Variants in PRKCA observed in about 807,000 individuals in gnomAD.
The protein encoded by PRKCA is protein kinase C alpha type.
Under a neutral mutation model 87.0 loss-of-function variants are expected in PRKCA, and 27 were observed. The observed-to-expected ratio is 0.31, with a 90% CI of 0.23 to 0.43. PRKCA has a LOEUF of 0.43. PRKCA is among the 20% of genes least tolerant of loss of function. The pLI is 1.00. For missense variants in PRKCA, 518 were observed against 852.3 expected (o/e 0.61, Z 4.88); for synonymous variants, 329 against 311.1 (o/e 1.06, Z -0.61).
intron 3 of PRKCA, among the ~76,000 whole-genome samples, chr17:66,569,570 A>G (rs1047705362): frequency 1.4e-5 from 2 of 147,774 alleles, no homozygotes; most frequent in Non-Finnish European, 3.0e-5. Flanking sequence ...ACTCCATCTC[A>G]AAAAAAAAGA....
At chr17:66,343,612 C>T (rs1326588004) in intron 2 of PRKCA, among the ~76,000 whole-genome samples, 3 of 151,968 alleles carry the variant, frequency 2.0e-5, no homozygotes, top group Non-Finnish European at 4.4e-5. Flanking sequence ...AACAGCCATC[C>T]CTGAAAGTGA....
chr17:66,336,869 A>C (rs948480939), intron 2 of PRKCA, among the ~76,000 whole-genome samples: 1 of 149,844 alleles, frequency 6.7e-6, no homozygotes. Flanking sequence ...GCTTACTGCA[A>C]CCTCTGCCTC....
chr17:66,774,910 T>A (rs1975013622), intron 14 of PRKCA: 3 of 985,338 alleles, frequency 3.0e-6, no homozygotes, highest in African/African-American at 1.7e-5. Flanking sequence ...ATTAGCTTTC[T>A]CTTATGATGT....
At position 66,608,186 on chromosome 17, in the gene PRKCA, GATTGGAGCACACCA is replaced by G. The variant is rs1342126372; in HGVS notation, c.289-33163_289-33150del. Among the ~76,000 whole-genome samples the G allele has an allele frequency of 2.8e-4, 43 of 152,166 alleles. No individual in the cohort carries two copies. The East Asian group carries it at 7.6e-3, about 27-fold the overall frequency. On this transcript the variant is annotated intron_variant, in intron 3 of 16. Transcript: ENST00000413366. ...TGAAGCACACTGATTGGAGCACACC[GATTGGAGCACACCA>G]ATTGGCTTTTGCTTTTGGAGCTTGG...
rs539360676 is a variant in PRKCA, at chr17:66,789,090, G to A, written c.1854+111G>A. The A allele has an allele frequency of 3.4e-4, 467 of 1,359,698 alleles. 6 individuals are homozygous for A. The South Asian group carries it at 5.7e-3, about 17-fold the overall frequency. 84.2% of individuals were successfully genotyped at this position (1,359,698 alleles called of 1,614,324 possible). On this transcript the variant is annotated intron_variant, in intron 16 of 16. Transcript: ENST00000413366. ...GAGGCCGGTGCCCCTGGCTTGTACA[G>A]GGTGAGGAAACGGGCCAGGTTTCAG...
chr17:66,645,316 CA>C, intron 4 of PRKCA, 66 bp from the exon 5 acceptor site: 6 of 1,606,782 alleles, frequency 3.7e-6, no homozygotes, highest in Non-Finnish European at 5.1e-6. Flanking sequence ...GCTCATGCAC[CA>C]AAACACTGAG....
chr17:66,312,959 G>C (rs1414560181), intron 2 of PRKCA, among the ~76,000 whole-genome samples: 1 of 151,866 alleles, frequency 6.6e-6, no homozygotes, highest in Non-Finnish European at 1.5e-5. Flanking sequence ...GGCTAGTCTC[G>C]AACTCCTGAC....
chr17:66,379,154 C>T (rs76893549), intron 2 of PRKCA, among the ~76,000 whole-genome samples: 149 of 152,232 alleles, frequency 9.8e-4, no homozygotes, highest in Non-Finnish European at 1.7e-3. Context: ...GTGTTCATTC[C>T]TCTCGGGTAT....
intron 8 of PRKCA, among the ~76,000 whole-genome samples, chr17:66,711,389 A>G (rs1354245738): frequency 7.9e-5 from 12 of 152,186 alleles, no homozygotes; most frequent in Admixed American, 7.2e-4. Flanking sequence ...GCCTGACTTA[A>G]TCCTTCTCAC....
chr17:66,537,915 C>T (rs9915559), intron 3 of PRKCA, among the ~76,000 whole-genome samples: 29,325 of 151,950 alleles, frequency 0.19, 2,998 homozygotes, highest in Middle Eastern at 0.25. Context: ...AAGGGGTTCT[C>T]GTGCCTCAGC....
chr17:66,516,791 T>C (rs945798968), intron 3 of PRKCA, among the ~76,000 whole-genome samples: 3 of 151,844 alleles, frequency 2.0e-5, no homozygotes, highest in Admixed American at 1.3e-4. Context: ...CTCCAGTGAG[T>C]AGATGTTTCC....
At chr17:66,731,349 C>CAGAAA (rs1973883532) in intron 8 of PRKCA, among the ~76,000 whole-genome samples, 1 of 64,622 alleles carries the variant, frequency 1.5e-5, no homozygotes, top group Non-Finnish European at 2.9e-5. Flanking sequence ...AACTCCGTCT[C>CAGAAA]AGAAAAAAAA....
At position 66,803,196 on chromosome 17, in the gene PRKCA, C is replaced by G. The variant is rs546848386; in HGVS notation, c.1855-677C>G. Among the ~76,000 whole-genome samples, 55 of 152,266 alleles carry G rather than the reference C, an allele frequency of 3.6e-4. 1 individual carries two copies. Among genetic ancestry groups the G allele is most frequent in the Admixed American group, 3.0e-3 (46 of 15,306 alleles). Reference sequence around the variant, plus strand: ...CCCCAGGGCGCCATGCAAACATCCTCCAGCCTGAGACCACCCTGCAAATAA... The same window carrying G: ...CCCCAGGGCGCCATGCAAACATCCTGCAGCCTGAGACCACCCTGCAAATAA... On this transcript the variant is annotated intron_variant, in intron 16 of 16. Coordinates refer to ENST00000413366, the MANE Select transcript of PRKCA (RefSeq NM_002737.3). This position sits in a 1 kb window ranked among gnomAD's most constrained non-coding sequence, Gnocchi z 4.4.
At chr17:66,711,546 G>T (rs1973327849) in intron 8 of PRKCA, among the ~76,000 whole-genome samples, 1 of 152,144 alleles carries the variant, frequency 6.6e-6, no homozygotes, top group South Asian at 2.1e-4. Context: ...TGTCATTTCT[G>T]ATAGCGCCAC....
intron 3 of PRKCA, among the ~76,000 whole-genome samples, chr17:66,638,933 G>C (rs1024052330): frequency 2.1e-4 from 32 of 152,166 alleles, no homozygotes; most frequent in Non-Finnish European, 5.9e-5. Flanking sequence ...TTATCTTACA[G>C]TCAGAATCAC....
chr17:66,457,871 G>A (rs552688745), intron 2 of PRKCA, among the ~76,000 whole-genome samples: 4 of 152,174 alleles, frequency 2.6e-5, no homozygotes, highest in Non-Finnish European at 4.4e-5. Context: ...GCATGAGAAC[G>A]GACTACTACA....
At chr17:66,517,941 G>A (rs4791054) in intron 3 of PRKCA, among the ~76,000 whole-genome samples, 76,096 of 152,002 alleles carry the variant, frequency 0.5, 19,362 homozygotes, top group East Asian at 0.75. Flanking sequence ...TTGTGAGTAC[G>A]GCTGCAGGTT....
At chr17:66,303,147 G>T (rs1904605772) in intron 1 of PRKCA, 123 bp downstream of exon 1, 2 of 1,325,348 alleles carry the variant, frequency 1.5e-6, no homozygotes, top group Non-Finnish European at 2.0e-6. Flanking sequence ...GCGGGAGTCC[G>T]AACTCTTCGC....
chr17:66,781,868 G>GAGATATATATAT (rs1491546533), intron 14 of PRKCA, among the ~76,000 whole-genome samples: 68 of 99,316 alleles, frequency 6.8e-4, no homozygotes, highest in African/African-American at 2.1e-3. Flanking sequence ...GAGAGAGAGA[G>GAGATATATATAT]ATATATATAT....
Sources: allele counts gnomAD v4.1 joint callset (sites outside exome capture counted in the v4.1 genomes callset), GRCh38; gene constraint gnomAD v4.1.1; non-coding constraint Gnocchi (gnomAD v3.1); transcripts MANE v1.5; gene names NCBI Gene and HGNC (gene_info 2026-07-23, HGNC 2026-07-21).